The following CHD6 variants were observed in gnomAD, a reference collection of about 807,000 sequenced individuals.
The protein encoded by CHD6 is chromodomain helicase DNA binding protein 6, also known as ATP-dependent chromatin remodeler CHD6.
In CHD6, 50 loss-of-function variants were observed where a neutral mutation model predicts 276.9. That is an observed-to-expected ratio of 0.18 (90% CI 0.14 to 0.23). The LOEUF (loss-of-function observed/expected upper bound fraction) is 0.23. Among genes scored for constraint, CHD6 ranks in the 10% least tolerant of loss-of-function variants. The pLI, the probability that CHD6 is intolerant of heterozygous loss-of-function variation, is 1.00. For missense variants in CHD6, 2,564 were observed against 3,365.8 expected, an observed-to-expected ratio of 0.76 and a Z score of 5.89; for synonymous variants, 1,173 against 1,229.3, an observed-to-expected ratio of 0.95 and a Z score of 0.96.
At chr20:41,502,279 AT>A (rs1317154981) in intron 5 of CHD6, among the ~76,000 whole-genome samples, 1 of 152,226 alleles carries the variant, frequency 6.6e-6, no homozygotes, top group East Asian at 1.9e-4. Flanking sequence ...ATTTTAATAT[AT>A]TTCACTTAAA....
chr20:41,614,010 A>G (rs530991601), intron 1 of CHD6, among the ~76,000 whole-genome samples: 46 of 139,116 alleles, frequency 3.3e-4, no homozygotes, highest in Admixed American at 3.2e-3. Context: ...CTTAGAGTAT[A>G]AAAAAAAAAA....
At chr20:41,536,135 T>C (rs1478655479) in intron 2 of CHD6, among the ~76,000 whole-genome samples, 1 of 152,204 alleles carries the variant, frequency 6.6e-6, no homozygotes, top group Non-Finnish European at 1.5e-5. Context: ...AAAAGCTTTG[T>C]TTCAGCTTCT....
At chr20:41,493,826 G>C (rs2043614324) in intron 9 of CHD6, 32 bp downstream of exon 9, 1 of 1,590,012 alleles carries the variant, frequency 6.3e-7, no homozygotes, top group African/African-American at 1.3e-5. Flanking sequence ...GTGGAAAGAA[G>C]GGAAGATGCT....
At chr20:41,514,723 A>G (rs951501431) in intron 4 of CHD6, 82 bp downstream of exon 4, 4 of 1,492,406 alleles carry the variant, frequency 2.7e-6, no homozygotes, top group Non-Finnish European at 3.7e-6. Flanking sequence ...AGAGAAAGGC[A>G]TAGAGGAGCA....
At chr20:41,544,122 C>A (rs1390139191) in intron 2 of CHD6, among the ~76,000 whole-genome samples, 3 of 152,140 alleles carry the variant, frequency 2.0e-5, no homozygotes, top group Non-Finnish European at 4.4e-5. Flanking sequence ...CGCCTGTAAT[C>A]CCAGCTACTC....
In CHD6 at chr20:41,507,012, C is replaced by T. The variant is rs142245967; in HGVS notation, c.852+5834G>A. 6.3e-3 allele frequency among the ~76,000 whole-genome samples: 964 copies of T among 152,264 alleles called. 10 individuals are homozygous for T. Among genetic ancestry groups the T allele is most frequent in the Middle Eastern group, 0.024 (7 of 294 alleles). ...TGGAAATGATATGACGTATGAGTTACATCTGTAGGCAAGCAGTAAACTTTC... is the reference window on the plus strand; with the variant it reads ...TGGAAATGATATGACGTATGAGTTATATCTGTAGGCAAGCAGTAAACTTTC... On this transcript the variant is annotated intron_variant, in intron 5 of 36. Coordinates refer to ENST00000373233, the MANE Select transcript of CHD6 (RefSeq NM_032221.5).
At chr20:41,554,434 G>A (rs1008063602) in intron 1 of CHD6, among the ~76,000 whole-genome samples, 81 of 150,872 alleles carry the variant, frequency 5.4e-4, no homozygotes, top group African/African-American at 8.1e-4. Flanking sequence ...GGTGTTTCTC[G>A]CAGAGGGGGA....
rs1168090953 is a variant in CHD6 at position 41,512,750 on chromosome 20, C to G, written c.852+96G>C. The stretch of plus-strand genomic sequence containing the variant: ...GGCCACAAGCAGCAGTTAAAATGAT[C>G]TGACTTATGCTTTAGCAAAGGCCAA... On this transcript the variant is annotated intron_variant, in intron 5 of 36. Transcript: ENST00000373233. 4 of 1,396,322 alleles carry G rather than the reference C, an allele frequency of 2.9e-6. No individual in the cohort carries two copies. In the African/African-American group the frequency reaches 4.3e-5, roughly 15 times the overall value. 86.5% of individuals were successfully genotyped at this position (1,396,322 alleles called of 1,614,324 possible).
At chr20:41,540,001 T>C (rs542637688) in intron 2 of CHD6, among the ~76,000 whole-genome samples, 54 of 152,352 alleles carry the variant, frequency 3.5e-4, no homozygotes, top group Non-Finnish European at 7.8e-4. Flanking sequence ...AACAATTTTT[T>C]AAAGTCTGCA....
chr20:41,559,692 A>C (rs1377656427), intron 1 of CHD6, among the ~76,000 whole-genome samples: 1 of 152,094 alleles, frequency 6.6e-6, no homozygotes, highest in Non-Finnish European at 1.5e-5. Flanking sequence ...TTTTCTACTC[A>C]ACTCCCAAAC....
At chr20:41,608,143 C>T (rs1235875451) in intron 1 of CHD6, among the ~76,000 whole-genome samples, 1 of 152,080 alleles carries the variant, frequency 6.6e-6, no homozygotes, top group Non-Finnish European at 1.5e-5. Flanking sequence ...AACCCTAAGT[C>T]ATATAAGCAC....
rs919478132 is a variant in CHD6, at chr20:41,426,282, A to G, written c.4069-129T>C. ...CCCCTGCCCATGAACAACTCAGACCAAGATAGGACCTGATAAAGCTTACTT... is the reference window on the plus strand; with the variant it reads ...CCCCTGCCCATGAACAACTCAGACCGAGATAGGACCTGATAAAGCTTACTT... On this transcript the variant is annotated intron_variant, in intron 27 of 36. Coordinates refer to ENST00000373233, the MANE Select transcript of CHD6 (RefSeq NM_032221.5). 5.4e-6 allele frequency: 4 copies of G among 742,770 alleles called. No individual in the cohort carries two copies. The African/African-American group carries it at 6.9e-5, about 13-fold the overall frequency. 46.0% of individuals were successfully genotyped at this position (742,770 alleles called of 1,614,324 possible). A position where few individuals can be genotyped will look rare whatever the true frequency, so the allele number is the denominator to read the frequency against.
chr20:41,536,507 A>G (rs76203256), intron 2 of CHD6, among the ~76,000 whole-genome samples: 1,600 of 152,348 alleles, frequency 0.011, 27 homozygotes, highest in African/African-American at 0.036. Flanking sequence ...ACAGAGGTCC[A>G]TGGACAAACC....
chr20:41,410,746 C>T (rs528634146), intron 36 of CHD6, among the ~76,000 whole-genome samples: 47 of 152,208 alleles, frequency 3.1e-4, no homozygotes, highest in Admixed American at 2.3e-3. Flanking sequence ...GAGGGATGAA[C>T]ACTAATTTCC....
intron 34 of CHD6, 53 bp from the exon 35 acceptor site, chr20:41,413,568 T>C (rs760237240): frequency 1.1e-4 from 149 of 1,368,918 alleles, no homozygotes; most frequent in Non-Finnish European, 1.4e-4. Context: ...AAAATTAGTT[T>C]CTAAAGAAAG....
At chr20:41,448,265 T>G (rs1265677715) in intron 23 of CHD6, among the ~76,000 whole-genome samples, 1 of 152,200 alleles carries the variant, frequency 6.6e-6, no homozygotes, top group Non-Finnish European at 1.5e-5. Flanking sequence ...CCCTTCCATG[T>G]GGCCACAGTG....
At chr20:41,507,823 T>C (rs2044013567) in intron 5 of CHD6, among the ~76,000 whole-genome samples, 1 of 152,214 alleles carries the variant, frequency 6.6e-6, no homozygotes, top group Non-Finnish European at 1.5e-5. Context: ...TAACCCTATT[T>C]ACCTTCAACC....
intron 2 of CHD6, among the ~76,000 whole-genome samples, chr20:41,549,331 A>C (rs934230884): frequency 6.6e-6 from 1 of 151,132 alleles, no homozygotes; most frequent in East Asian, 1.9e-4. Context: ...TGATGAGTTC[A>C]TGTCCTTTGT....
chr20:41,496,752 C>T (rs2043696387), intron 8 of CHD6: 1 of 152,256 alleles, frequency 6.6e-6, no homozygotes, highest in Non-Finnish European at 1.5e-5. Context: ...TTCCTCTATT[C>T]TCGGCCAAGG....
Sources: gnomAD v4.1 joint callset for allele counts (sites outside exome capture counted in the v4.1 genomes callset) on GRCh38, gnomAD v4.1.1 for gene constraint, MANE v1.5 for transcripts, NCBI Gene and HGNC (gene_info 2026-07-23, HGNC 2026-07-21) for gene names.